The following VSIG1 variants were observed in gnomAD, a reference collection of about 807,000 sequenced individuals.
The protein encoded by VSIG1 is V-set and immunoglobulin domain containing 1.
VSIG1 carries 11 observed loss-of-function variants against 20.1 expected under a neutral mutation model. That is an observed-to-expected ratio of 0.55 (90% CI 0.34 to 0.91). The LOEUF is 0.91. Among genes scored for constraint, VSIG1 ranks in the 40% least tolerant of loss-of-function variants. The pLI is 0.02. For synonymous variants in VSIG1, 126 were observed against 116.7 expected (o/e 1.08, Z -0.52); for missense variants, 283 against 298.8 (o/e 0.95, Z 0.39).
intron 1 of VSIG1, among the ~76,000 whole-genome samples, chrX:108,056,467 A>C (rs749500934): frequency 8.9e-6 from 1 of 112,070 alleles, no homozygotes; most frequent in Non-Finnish European, 1.9e-5. Flanking sequence ...ATTGGAAATG[A>C]AGAAATAAAA....
chrX:108,025,218 C>T, the VSIG1 span, among the ~76,000 whole-genome samples: 1 of 111,786 alleles, frequency 8.9e-6, no homozygotes, highest in Non-Finnish European at 1.9e-5. Flanking sequence ...GATAATATTT[C>T]AATAGTATAG....
chrX:108,051,229 G>A (rs755926949), intron 1 of VSIG1, among the ~76,000 whole-genome samples: 1 of 111,196 alleles, frequency 9.0e-6, no homozygotes, highest in Admixed American at 9.5e-5. Flanking sequence ...GCCCAGTCTG[G>A]GAAGGCTCTG....
chrX:108,060,248 T>G (rs1338222129), intron 2 of VSIG1, among the ~76,000 whole-genome samples: 2 of 111,957 alleles, frequency 1.8e-5, no homozygotes, highest in African/African-American at 6.5e-5. Context: ...GCAAGTGATT[T>G]AAGATATATA....
At chrX:108,063,361 T>C (rs758230327) in intron 2 of VSIG1, among the ~76,000 whole-genome samples, 13 of 111,463 alleles carry the variant, frequency 1.2e-4, no homozygotes, top group Non-Finnish European at 2.1e-4. Flanking sequence ...GTAAATTGTG[T>C]GACCTTGGGA....
intron 3 of VSIG1, among the ~76,000 whole-genome samples, chrX:108,071,892 C>CAAAAAAAAAAAAAAAAAAGA (rs2031254306): frequency 1.4e-4 from 5 of 36,391 alleles, no homozygotes; most frequent in Non-Finnish European, 1.7e-4. Flanking sequence ...TGAACAAATG[C>CAAAAAAAAAAAAAAAAAAGA]AAAAAAAAAA....
chrX:108,058,188 T>TAAGTGTTCTGTAA lies in VSIG1; in HGVS notation c.200_201insAAGTGTTCTGTAA (p.Met67IlefsTer5). On this transcript the variant is annotated stop_gained and frameshift_variant, in exon 2 of 7. Coordinates refer to ENST00000217957, the MANE Select transcript of VSIG1 (RefSeq NM_182607.5). LOFTEE classifies it high-confidence loss of function. The stretch of plus-strand genomic sequence containing the variant: ...TGGTCTTTCTTCCATAAGAAGGAGA[T>TAAGTGTTCTGTAA]GGAGCCAATTTCTGTAAGGACACTT... 1 of 1,205,739 alleles carries TAAGTGTTCTGTAA rather than the reference T, an allele frequency of 8.3e-7. No individual in the cohort carries two copies. Among genetic ancestry groups the TAAGTGTTCTGTAA allele is most frequent in the Non-Finnish European group, 1.1e-6 (1 of 892,962 alleles).
In VSIG1 at chrX:108,077,291, G is replaced by GGAGCCAGAGCCAGAGCCA. The variant is rs371274224; in HGVS notation, c.1084_1101dup (p.Pro362_Glu367dup). On this transcript the variant is annotated inframe_insertion, in exon 7 of 7. Transcript: ENST00000217957. ...TGGAGCCAGAAACGCAGTCGGAATTGGAGCCAGAGCCAGAGCCAGAGCCAG... is the reference window on the plus strand; with the variant it reads ...TGGAGCCAGAAACGCAGTCGGAATTGGAGCCAGAGCCAGAGCCAGAGCCAGAGCCAGAGCCAGAGCCAG... 3 of 1,210,335 alleles carry GGAGCCAGAGCCAGAGCCA rather than the reference G, an allele frequency of 2.5e-6. No homozygotes were observed. The highest frequency in any genetic ancestry group is 3.4e-6 in the Non-Finnish European group (3 of 895,351).
the VSIG1 span, among the ~76,000 whole-genome samples, chrX:108,022,154 T>C: frequency 1.8e-5 from 2 of 112,068 alleles, no homozygotes; most frequent in Non-Finnish European, 3.8e-5. Flanking sequence ...TATTGCCATC[T>C]CAATATTAAG....
rs201992077 is a variant in VSIG1, at chrX:108,071,382, CTAAGA to C, written c.413-1289_413-1285del. On this transcript the variant is annotated intron_variant, in intron 3 of 6. Transcript: ENST00000217957. ...AGATGTATAGATATAAAATAAATAT[CTAAGA>C]TAAGAGATATAAGATAGATATGTAG... Among the ~76,000 whole-genome samples the C allele has an allele frequency of 9.7e-3, 1,077 of 110,863 alleles. 11 individuals are homozygous for C. The highest frequency in any genetic ancestry group is 0.032 in the African/African-American group (982 of 30,421).
At position 108,059,142 on chromosome X, in the gene VSIG1, A is replaced by T. The variant is rs766545944; in HGVS notation, c.213+941A>T. On this transcript the variant is annotated intron_variant, in intron 2 of 6. Coordinates refer to ENST00000217957, the MANE Select transcript of VSIG1 (RefSeq NM_182607.5). ...AGTCGGTGTGGTTTGGAATAGTTGG[A>T]TGCAGCTGAATTGGGCCTTGAAGGA... 3.6e-5 allele frequency among the ~76,000 whole-genome samples: 4 copies of T among 111,929 alleles called. No homozygotes were observed. In the South Asian group the frequency reaches 1.5e-3, roughly 42 times the overall value.
At position 108,047,891 on chromosome X, in the gene VSIG1, CAT is replaced by C. The variant is rs769263352; in HGVS notation, c.49+2724_49+2725del. Among the ~76,000 whole-genome samples the C allele has an allele frequency of 1.3e-3, 28 of 21,434 alleles. 4 individuals are homozygous for C. Among genetic ancestry groups the C allele is most frequent in the African/African-American group, 5.3e-3 (12 of 2,270 alleles). The allele number at this position is 21,434 out of a possible 115,157, so 18.6% of individuals were successfully genotyped here. A position where few individuals can be genotyped will look rare whatever the true frequency, so the allele number is the denominator to read the frequency against. ...ATATACACATATATATATATACACA[CAT>C]ATATATATATACACATATATATATA... On this transcript the variant is annotated intron_variant, in intron 1 of 6. Coordinates refer to ENST00000217957, the MANE Select transcript of VSIG1 (RefSeq NM_182607.5).
intron 5 of VSIG1, among the ~76,000 whole-genome samples, chrX:108,075,605 C>G (rs747573203): frequency 2.7e-5 from 3 of 110,891 alleles, no homozygotes; most frequent in African/African-American, 9.9e-5. Context: ...GTCCATAGAC[C>G]GAGACAATAA....
intron 1 of VSIG1, among the ~76,000 whole-genome samples, chrX:108,052,661 C>A: frequency 9.0e-6 from 1 of 111,207 alleles, no homozygotes; most frequent in Non-Finnish European, 1.9e-5. Flanking sequence ...GGATAAATTA[C>A]GTGAGGTGAT....
upstream of VSIG1, among the ~76,000 whole-genome samples, chrX:108,040,032 A>C (rs2030455222): frequency 8.9e-6 from 1 of 111,861 alleles, no homozygotes; most frequent in South Asian, 3.7e-4. Flanking sequence ...AAAAATTGAT[A>C]GATTAAAACA....
At chrX:108,061,434 T>G in intron 2 of VSIG1, 1 of 1,163,845 alleles carries the variant, frequency 8.6e-7, no homozygotes, top group Non-Finnish European at 1.1e-6. Context: ...ACAGCACAGC[T>G]CGTGCCTCAG....
chrX:108,026,775 G>A, the VSIG1 span, among the ~76,000 whole-genome samples: 1 of 111,519 alleles, frequency 9.0e-6, no homozygotes, highest in Non-Finnish European at 1.9e-5. Context: ...TTGTAGAGGA[G>A]TTTCAAGAAG....
At chrX:108,074,145 C>T (rs929409153) in intron 5 of VSIG1, among the ~76,000 whole-genome samples, 3 of 112,079 alleles carry the variant, frequency 2.7e-5, no homozygotes, top group Non-Finnish European at 3.8e-5. Flanking sequence ...TTTTTTCAAA[C>T]TTACTTTGAA....
chrX:108,053,959 T>C lies in VSIG1; in HGVS notation c.50-4079T>C, dbSNP rs762976547. Among the ~76,000 whole-genome samples the C allele has an allele frequency of 3.6e-5, 4 of 111,583 alleles. 1 individual carries two copies. The highest frequency in any genetic ancestry group is 1.3e-4 in the African/African-American group (4 of 30,817). On this transcript the variant is annotated intron_variant, in intron 1 of 6. Coordinates refer to ENST00000217957, the MANE Select transcript of VSIG1 (RefSeq NM_182607.5). ...ACTATCCATGGTTTCAGGCATCCACTGGGGGTCTTGGAATATATCTCCCTG... is the reference window on the plus strand; with the variant it reads ...ACTATCCATGGTTTCAGGCATCCACCGGGGGTCTTGGAATATATCTCCCTG...
chrX:108,049,048 G>A (rs767809252), intron 1 of VSIG1, among the ~76,000 whole-genome samples: 3 of 112,171 alleles, frequency 2.7e-5, no homozygotes, highest in Non-Finnish European at 5.6e-5. Context: ...CTTTTCTTCA[G>A]AATTTAATTG....
Sources: gnomAD v4.1 joint callset for allele counts (sites outside exome capture counted in the v4.1 genomes callset) on GRCh38, gnomAD v4.1.1 for gene constraint, MANE v1.5 for transcripts, NCBI Gene and HGNC (gene_info 2026-07-23, HGNC 2026-07-21) for gene names.